Variants in TAFA2 observed in about 807,000 individuals in gnomAD.
TAFA2 encodes chemokine-like protein TAFA-2.
In TAFA2, 7 loss-of-function variants were observed where a neutral mutation model predicts 18.8. The ratio of observed to expected loss-of-function variants is 0.37; its 90% CI spans 0.21 to 0.70. The LOEUF is 0.70. Ranked by LOEUF, TAFA2 falls within the 30% of genes least tolerant of loss-of-function variation. The probability of loss-of-function intolerance (pLI) is 0.53; values close to 1 mark genes in which losing one functional copy is unlikely to be tolerated. For synonymous variants in TAFA2, 60 were observed against 54.2 expected (o/e 1.11, Z -0.47); for missense variants, 122 against 158.1 (o/e 0.77, Z 1.23).
At chr12:61,959,116 A>G (rs1878795727) in intron 1 of TAFA2, among the ~76,000 whole-genome samples, 1 of 152,002 alleles carries the variant, frequency 6.6e-6, no homozygotes, top group Admixed American at 6.6e-5. Context: ...ATTTTTTAAA[A>G]GCCTCCTTTT....
chr12:61,914,981 G>A (rs553166848), intron 1 of TAFA2, among the ~76,000 whole-genome samples: 241 of 152,166 alleles, frequency 1.6e-3, no homozygotes, highest in Non-Finnish European at 2.5e-3. Flanking sequence ...TGGCCAACAT[G>A]GTGAAACTCT....
chr12:62,118,131 A>G (rs1443763805), intron 1 of TAFA2, among the ~76,000 whole-genome samples: 1 of 152,256 alleles, frequency 6.6e-6, no homozygotes, highest in East Asian at 1.9e-4. Context: ...ATTTCATCCC[A>G]TACTCATTAT....
intron 1 of TAFA2, among the ~76,000 whole-genome samples, chr12:62,009,039 A>G (rs192745655): frequency 1.2e-3 from 176 of 152,338 alleles, no homozygotes; most frequent in African/African-American, 3.8e-3. Flanking sequence ...TACACACATT[A>G]CAGGAGGGAG....
intron 1 of TAFA2, among the ~76,000 whole-genome samples, chr12:62,049,430 C>T (rs1881992623): frequency 6.6e-6 from 1 of 152,116 alleles, no homozygotes; most frequent in African/African-American, 2.4e-5. Context: ...TACCTAGCAC[C>T]TGCACCCAAC....
At chr12:62,007,924 A>G (rs1326594274) in intron 1 of TAFA2, among the ~76,000 whole-genome samples, 1 of 136,980 alleles carries the variant, frequency 7.3e-6, no homozygotes, top group Non-Finnish European at 1.6e-5. Context: ...CCAAAAGAAC[A>G]TAAGAACCTA....
chr12:61,977,801 A>C (rs142413853), intron 1 of TAFA2, among the ~76,000 whole-genome samples: 277 of 152,174 alleles, frequency 1.8e-3, no homozygotes, highest in African/African-American at 4.8e-3. Flanking sequence ...ACTTTTGTGA[A>C]CATCAGTCTT....
At chr12:62,025,575 C>A (rs1483212777) in intron 1 of TAFA2, among the ~76,000 whole-genome samples, 5 of 152,024 alleles carry the variant, frequency 3.3e-5, no homozygotes, top group African/African-American at 1.2e-4. Flanking sequence ...ACAGTTTCTG[C>A]ATGAAATCTA....
chr12:61,934,465 G>A (rs886158884), intron 1 of TAFA2, among the ~76,000 whole-genome samples: 1 of 152,140 alleles, frequency 6.6e-6, no homozygotes, highest in African/African-American at 2.4e-5. Flanking sequence ...TAACTCACCA[G>A]GAATTAATGT....
chr12:61,804,883 TA>T (rs1172713502), intron 2 of TAFA2, among the ~76,000 whole-genome samples: 4 of 151,920 alleles, frequency 2.6e-5, no homozygotes, highest in African/African-American at 9.7e-5. Flanking sequence ...TGACCCAAAA[TA>T]AGAAAATTTC....
intron 1 of TAFA2, among the ~76,000 whole-genome samples, chr12:62,029,369 T>C (rs1235471905): frequency 6.6e-6 from 1 of 152,114 alleles, no homozygotes; most frequent in Non-Finnish European, 1.5e-5. Context: ...GTTAGGGAGG[T>C]GTTATCAGAA....
At chr12:61,724,678 C>A (rs1002949566) in intron 4 of TAFA2, among the ~76,000 whole-genome samples, 2 of 151,368 alleles carry the variant, frequency 1.3e-5, no homozygotes, top group African/African-American at 4.9e-5. Context: ...AGAATAATGG[C>A]CTCCATCCAG....
chr12:61,941,946 C>A (rs1218834754), intron 1 of TAFA2, among the ~76,000 whole-genome samples: 3 of 152,036 alleles, frequency 2.0e-5, no homozygotes, highest in African/African-American at 7.3e-5. Context: ...TGGGTGGAGC[C>A]CACCACAGCT....
intron 2 of TAFA2, among the ~76,000 whole-genome samples, chr12:61,807,056 A>C (rs1871645760): frequency 6.8e-6 from 1 of 146,372 alleles, no homozygotes; most frequent in Admixed American, 6.7e-5. Context: ...ACAAGGAGCC[A>C]AATGTTAATC....
chr12:62,231,546 G>T (rs1238546768), intron 1 of TAFA2, among the ~76,000 whole-genome samples: 1 of 152,148 alleles, frequency 6.6e-6, no homozygotes, highest in Non-Finnish European at 1.5e-5. Flanking sequence ...TTTAATCAGA[G>T]AATTGAGTCT....
At chr12:61,955,632 A>AATATATTTATATATATAT (rs1878655769) in intron 1 of TAFA2, among the ~76,000 whole-genome samples, 3 of 41,208 alleles carry the variant, frequency 7.3e-5, no homozygotes, top group African/African-American at 1.3e-4. Context: ...AAAAAAAAAA[A>AATATATTTATATATATAT]ATATATATAT....
rs551665132 is a variant in TAFA2, at chr12:61,839,697, T to C, written c.106+27623A>G. Among the ~76,000 whole-genome samples the C allele has an allele frequency of 1.3e-3, 202 of 152,072 alleles. 2 individuals carry two copies. Among genetic ancestry groups the C allele is most frequent in the African/African-American group, 4.3e-3 (177 of 41,504 alleles). On this transcript the variant is annotated intron_variant, in intron 2 of 4. Coordinates refer to ENST00000416284, the MANE Select transcript of TAFA2 (RefSeq NM_178539.5). Reference sequence around the variant, plus strand: ...TCACTTACAAATGGGAGCTAAACATTTGGTACACACAGACACAAAGAACAA... The same window carrying C: ...TCACTTACAAATGGGAGCTAAACATCTGGTACACACAGACACAAAGAACAA...
intron 1 of TAFA2, among the ~76,000 whole-genome samples, chr12:61,989,409 A>G (rs762551021): frequency 6.6e-6 from 1 of 150,542 alleles, no homozygotes; most frequent in Non-Finnish European, 1.5e-5. Context: ...AAAGAGCAAA[A>G]CATTGACAAA....
intron 1 of TAFA2, among the ~76,000 whole-genome samples, chr12:61,992,147 A>G (rs1270015682): frequency 1.3e-5 from 2 of 152,194 alleles, no homozygotes; most frequent in African/African-American, 4.8e-5. Flanking sequence ...GTATTTGCAG[A>G]TCATTCCTAC....
At chr12:61,757,110 C>A (rs1209833798) in intron 2 of TAFA2, among the ~76,000 whole-genome samples, 3 of 152,036 alleles carry the variant, frequency 2.0e-5, no homozygotes, top group Non-Finnish European at 4.4e-5. Context: ...GAATTTTACT[C>A]ATGCTGCTCT....
Sources: gnomAD v4.1 joint callset for allele counts (sites outside exome capture counted in the v4.1 genomes callset) on GRCh38, gnomAD v4.1.1 for gene constraint, MANE v1.5 for transcripts, NCBI Gene and HGNC (gene_info 2026-07-23, HGNC 2026-07-21) for gene names.